Variants in FOXP1 observed in about 807,000 individuals in gnomAD.
The protein encoded by FOXP1 is forkhead box P1.
In FOXP1, 15 loss-of-function variants were observed where a neutral mutation model predicts 98.2. The observed-to-expected ratio is 0.15, with a 90% confidence interval of 0.10 to 0.24. FOXP1 has a LOEUF of 0.24. Ranked by LOEUF, FOXP1 falls within the 10% of genes least tolerant of loss-of-function variation. The pLI, the probability that FOXP1 is intolerant of heterozygous loss-of-function variation, is 1.00. For missense variants in FOXP1, 633 were observed against 848.5 expected (o/e 0.75, Z 3.15); for synonymous variants, 371 against 314.5 (o/e 1.18, Z -1.90).
intron 6 of FOXP1, among the ~76,000 whole-genome samples, chr3:71,114,495 G>A (rs551991134): frequency 3.9e-5 from 6 of 152,296 alleles, no homozygotes; most frequent in Admixed American, 1.3e-4. Flanking sequence ...GTTGAGTGGC[G>A]CCTTTGTGTT....
chr3:71,398,485 GA>G (rs1321029038), intron 3 of FOXP1, among the ~76,000 whole-genome samples: 1 of 152,150 alleles, frequency 6.6e-6, no homozygotes, highest in Non-Finnish European at 1.5e-5. Context: ...AAGCTAATGT[GA>G]ACCCTTTTCA....
intron 2 of FOXP1, among the ~76,000 whole-genome samples, chr3:71,534,245 C>A (rs906109343): frequency 6.6e-6 from 1 of 152,296 alleles, no homozygotes; most frequent in African/African-American, 2.4e-5. Flanking sequence ...CGCCTGTAAT[C>A]CCAGCTACTC....
At chr3:71,374,991 A>C (rs916326681) in intron 3 of FOXP1, among the ~76,000 whole-genome samples, 5 of 152,100 alleles carry the variant, frequency 3.3e-5, no homozygotes, top group Non-Finnish European at 1.5e-5. Flanking sequence ...TCTCCCTGCT[A>C]CTCTAGATGT....
intron 4 of FOXP1, chr3:71,335,270 G>A (rs1365963803): frequency 6.6e-6 from 1 of 151,314 alleles, no homozygotes; most frequent in Non-Finnish European, 1.5e-5. Context: ...GGGCAACACA[G>A]CAATATCCTG....
chr3:71,197,898 T>C, intron 6 of FOXP1: 1 of 1,614,232 alleles, frequency 6.2e-7, no homozygotes, highest in Non-Finnish European at 8.5e-7. Flanking sequence ...CAAAGAATAA[T>C]TTTATTCAAA....
chr3:71,056,088 G>T (rs540329742), intron 7 of FOXP1, among the ~76,000 whole-genome samples: 1 of 152,200 alleles, frequency 6.6e-6, no homozygotes, highest in Non-Finnish European at 1.5e-5. Flanking sequence ...TCTCGAGTGA[G>T]GTGGTGCTCA....
chr3:70,996,763 T>C (rs2041425283), intron 13 of FOXP1, among the ~76,000 whole-genome samples: 2 of 152,312 alleles, frequency 1.3e-5, no homozygotes, highest in Admixed American at 6.5e-5. Flanking sequence ...TCGATGTATA[T>C]GGTAAGATTC....
intron 7 of FOXP1, among the ~76,000 whole-genome samples, chr3:71,107,928 T>A (rs2057575813): frequency 6.6e-6 from 1 of 152,204 alleles, no homozygotes; most frequent in Non-Finnish European, 1.5e-5. Context: ...AAAGCAAGAA[T>A]CCACATGATC....
chr3:71,274,213 A>G (rs757955402), intron 5 of FOXP1, among the ~76,000 whole-genome samples: 3 of 152,222 alleles, frequency 2.0e-5, no homozygotes, highest in Non-Finnish European at 4.4e-5. Flanking sequence ...CCAGGCCTAT[A>G]GGAGCTCAGG....
At chr3:71,148,459 A>C (rs902476987) in intron 6 of FOXP1, among the ~76,000 whole-genome samples, 2 of 152,216 alleles carry the variant, frequency 1.3e-5, no homozygotes, top group Non-Finnish European at 2.9e-5. Flanking sequence ...CTCACTCTTA[A>C]AGAAAACTTG....
chr3:71,098,118 CTTTCA>C (rs1380178587), intron 7 of FOXP1, among the ~76,000 whole-genome samples: 2 of 152,166 alleles, frequency 1.3e-5, no homozygotes, highest in Non-Finnish European at 2.9e-5. Context: ...TTCTGTTTTG[CTTTCA>C]TTTGTCTTAG....
intron 3 of FOXP1, among the ~76,000 whole-genome samples, chr3:71,431,098 C>T (rs563516690): frequency 3.8e-4 from 58 of 152,282 alleles, no homozygotes; most frequent in Admixed American, 3.1e-3. Flanking sequence ...ATGTCCCTTG[C>T]GTGCATGCAG....
intron 5 of FOXP1, among the ~76,000 whole-genome samples, chr3:71,234,566 T>C (rs917674654): frequency 2.0e-5 from 3 of 152,204 alleles, no homozygotes; most frequent in Non-Finnish European, 4.4e-5. Context: ...TTGATTTTGT[T>C]CAGAAAATGG....
chr3:71,145,583 T>A (rs1217370909), intron 6 of FOXP1, among the ~76,000 whole-genome samples: 1 of 152,190 alleles, frequency 6.6e-6, no homozygotes, highest in Admixed American at 6.5e-5. Context: ...ACTGCCCAGC[T>A]GTTTTCCAAG....
chr3:71,102,476 G>A (rs181749639), intron 7 of FOXP1, among the ~76,000 whole-genome samples: 6 of 152,292 alleles, frequency 3.9e-5, no homozygotes, highest in African/African-American at 1.4e-4. Flanking sequence ...CACAACTACC[G>A]TAATTACATC....
chr3:71,124,340 C>G (rs1040096049), intron 6 of FOXP1, among the ~76,000 whole-genome samples: 3 of 147,700 alleles, frequency 2.0e-5, no homozygotes, highest in Non-Finnish European at 4.5e-5. Flanking sequence ...TTTTTTTTTT[C>G]CTCTCTGGAG....
chr3:71,053,533 C>T (rs2050193434), intron 8 of FOXP1, 103 bp downstream of exon 8: 1 of 1,445,546 alleles, frequency 6.9e-7, no homozygotes, highest in African/African-American at 1.4e-5. Context: ...TTACTCTTCA[C>T]TGAGCAAAGG....
intron 4 of FOXP1, among the ~76,000 whole-genome samples, chr3:71,308,173 A>G (rs1443673210): frequency 6.6e-6 from 1 of 152,176 alleles, no homozygotes; most frequent in Non-Finnish European, 1.5e-5. Context: ...GCGTAGTTGC[A>G]GTGAGACCTC....
At chr3:71,117,141 G>C (rs754727640) in intron 6 of FOXP1, among the ~76,000 whole-genome samples, 1 of 151,514 alleles carries the variant, frequency 6.6e-6, no homozygotes, top group African/African-American at 2.4e-5. Flanking sequence ...GGGCTGAAGT[G>C]CAATAGCACA....
Sources: allele counts gnomAD v4.1 joint callset (sites outside exome capture counted in the v4.1 genomes callset), GRCh38; gene constraint gnomAD v4.1.1; transcripts MANE v1.5; gene names NCBI Gene and HGNC (gene_info 2026-07-23, HGNC 2026-07-21).